The following PPM1D variants were observed in gnomAD, a reference collection of about 807,000 sequenced individuals.
PPM1D encodes the protein protein phosphatase, Mg2+/Mn2+ dependent 1D.
A neutral mutation model predicts 58.3 loss-of-function variants in PPM1D; 52 were observed. The observed-to-expected ratio is 0.89, with a 90% CI of 0.71 to 1.12. The LOEUF is 1.12. Among genes scored for constraint, PPM1D ranks in the 50% most tolerant of loss-of-function variants. The pLI is 0.00. For synonymous variants in PPM1D, 278 were observed against 285.1 expected (o/e 0.98, Z 0.25); for missense variants, 564 against 777.2 (o/e 0.73, Z 3.26).
At chr17:60,641,446 A>G (rs1455050225) in intron 3 of PPM1D, among the ~76,000 whole-genome samples, 2 of 151,924 alleles carry the variant, frequency 1.3e-5, no homozygotes, top group Non-Finnish European at 2.9e-5. Context: ...TTTGTTTTTA[A>G]CTTGTTGAAT....
chr17:60,645,562 GTA>G (rs1293780298), intron 3 of PPM1D, among the ~76,000 whole-genome samples: 10 of 132,634 alleles, frequency 7.5e-5, no homozygotes, highest in Middle Eastern at 3.8e-3. Flanking sequence ...ATATGTGTGT[GTA>G]TATATATGTA....
chr17:60,638,495 A>G (rs1244879172), intron 3 of PPM1D, among the ~76,000 whole-genome samples: 1 of 151,888 alleles, frequency 6.6e-6, no homozygotes, highest in Non-Finnish European at 1.5e-5. Context: ...CAGTCTTCCA[A>G]GTAGCTGGGA....
chr17:60,621,226 G>A (rs2030694297), intron 1 of PPM1D, among the ~76,000 whole-genome samples: 1 of 152,112 alleles, frequency 6.6e-6, no homozygotes, highest in South Asian at 2.1e-4. Context: ...TCCGGCCTGA[G>A]TTATGCTTTC....
Position 60,665,746 on chromosome 17 carries a change from A to G in PPM1D, c.*2194A>G, listed in dbSNP as rs1012784302. Reference sequence around the variant, plus strand: ...TCTCGTGGTTTTGGTCAAGCTACCAACCAGGGCTACAATCTTTCGAAGGTG... The same window carrying G: ...TCTCGTGGTTTTGGTCAAGCTACCAGCCAGGGCTACAATCTTTCGAAGGTG... On this transcript the variant is annotated 3_prime_UTR_variant, in exon 6 of 6. Coordinates refer to ENST00000305921, the MANE Select transcript of PPM1D (RefSeq NM_003620.4). 6.6e-5 allele frequency: 10 copies of G among 152,298 alleles called. No homozygotes were observed. Among genetic ancestry groups the G allele is most frequent in the African/African-American group, 2.2e-4 (9 of 41,566 alleles). 9.4% of individuals were successfully genotyped at this position (152,298 alleles called of 1,614,324 possible).
At position 60,657,172 on chromosome 17, in the gene PPM1D, A is replaced by C. The variant is rs1042181913; in HGVS notation, c.1260+331A>C. 3.0e-6 allele frequency: 3 copies of C among 996,406 alleles called. No homozygotes were observed. The East Asian group carries it at 1.8e-4, about 60-fold the overall frequency. The allele number at this position is 996,406 out of a possible 1,614,324, so 61.7% of individuals were successfully genotyped here. On this transcript the variant is annotated intron_variant, in intron 5 of 5. Coordinates refer to ENST00000305921, the MANE Select transcript of PPM1D (RefSeq NM_003620.4). The stretch of plus-strand genomic sequence containing the variant: ...AATCTCGTAGCCCAGAAGTAGAGCT[A>C]ATGTTATTATTTCATTTTATCAGTA...
At chr17:60,623,958 A>C (rs1237697722) in intron 2 of PPM1D, among the ~76,000 whole-genome samples, 1 of 152,134 alleles carries the variant, frequency 6.6e-6, no homozygotes, top group East Asian at 1.9e-4. Flanking sequence ...TAATGACTCT[A>C]ATAGGAAATA....
At chr17:60,616,406 G>A (rs543979889) in intron 1 of PPM1D, among the ~76,000 whole-genome samples, 2 of 152,136 alleles carry the variant, frequency 1.3e-5, no homozygotes, top group East Asian at 1.9e-4. Context: ...TCAAGAGTTC[G>A]AGACCAGCCT....
At position 60,633,857 on chromosome 17, in the gene PPM1D, A is replaced by T. The variant is rs1598406706; in HGVS notation, c.706A>T (p.Met236Leu). The T allele has an allele frequency of 6.2e-7, 1 of 1,611,542 alleles. No homozygotes were observed. The highest frequency in any genetic ancestry group is 2.2e-5 in the East Asian group (1 of 44,852). Reference protein sequence around the residue: ...ERIEGLGGSVMNKSGVNRVVW... With the variant: ...ERIEGLGGSVLNKSGVNRVVW... ...ATGTGAACTCTTTATTTTTAGTGTAATGAACAAGTCTGGGGTGAATCGTGT... is the reference window on the plus strand; with the variant it reads ...ATGTGAACTCTTTATTTTTAGTGTATTGAACAAGTCTGGGGTGAATCGTGT... Residue 236 changes from methionine (M) to leucine (L), a missense_variant, in exon 3 of 6, where the codon ATG (methionine) becomes TTG (leucine). By Grantham distance (15) the Met-to-Leu change is conservative (BLOSUM62 2). Around this residue, in one of 7 missense-constraint regions of PPM1D, gnomAD observed 95 missense variants for 232.6 expected, o/e 0.41. Transcript: ENST00000305921.
intron 2 of PPM1D, among the ~76,000 whole-genome samples, chr17:60,624,252 G>A (rs903461857): frequency 2.0e-5 from 3 of 152,058 alleles, no homozygotes; most frequent in Non-Finnish European, 4.4e-5. Flanking sequence ...ATATTTTTAT[G>A]ATTCAAACTT....
intron 1 of PPM1D, among the ~76,000 whole-genome samples, chr17:60,617,120 A>T (rs2030600079): frequency 6.6e-6 from 1 of 151,908 alleles, no homozygotes; most frequent in South Asian, 2.1e-4. Context: ...GGTTAATTAA[A>T]AAAAAAAATT....
At chr17:60,614,095 G>A (rs1401252206) in intron 1 of PPM1D, among the ~76,000 whole-genome samples, 1 of 152,172 alleles carries the variant, frequency 6.6e-6, no homozygotes, top group African/African-American at 2.4e-5. Context: ...AGCCAGCTGG[G>A]CTCCTGAGTC....
Position 60,613,890 on chromosome 17 carries a change from G to GCC in PPM1D, c.473-9622_473-9621dup, listed in dbSNP as rs61669650. 1.9e-3 allele frequency among the ~76,000 whole-genome samples: 267 copies of GCC among 137,406 alleles called. 1 individual carries two copies. The Middle Eastern group carries it at 0.027, about 14-fold the overall frequency. The allele number at this position is 137,406 out of a possible 152,430, so 90.1% of individuals were successfully genotyped here. A position where few individuals can be genotyped will look rare whatever the true frequency, so the allele number is the denominator to read the frequency against. On this transcript the variant is annotated intron_variant, in intron 1 of 5. Coordinates refer to ENST00000305921, the MANE Select transcript of PPM1D (RefSeq NM_003620.4). ...GGACCTGCAGCCTGCCATACCTGAGGCCCCCCCCCCGCCACCCCCCCGCCT... is the reference window on the plus strand; with the variant it reads ...GGACCTGCAGCCTGCCATACCTGAGGCCCCCCCCCCCCGCCACCCCCCCGCCT...
At chr17:60,640,035 T>G (rs142543698) in intron 3 of PPM1D, among the ~76,000 whole-genome samples, 77 of 152,276 alleles carry the variant, frequency 5.1e-4, no homozygotes, top group African/African-American at 1.7e-3. Context: ...ATAATCATGT[T>G]TGGCTGGATG....
At chr17:60,638,002 C>T (rs1454669138) in intron 3 of PPM1D, among the ~76,000 whole-genome samples, 2 of 152,042 alleles carry the variant, frequency 1.3e-5, no homozygotes, top group African/African-American at 2.4e-5. Flanking sequence ...CATTGGTGAC[C>T]TTGAAAAAGA....
intron 2 of PPM1D, among the ~76,000 whole-genome samples, chr17:60,631,113 T>G (rs2030911713): frequency 1.3e-5 from 2 of 150,356 alleles, no homozygotes; most frequent in Non-Finnish European, 3.0e-5. Flanking sequence ...GAGGCCCGGA[T>G]GGGAGGATGG....
intron 1 of PPM1D, among the ~76,000 whole-genome samples, chr17:60,611,267 C>T (rs549430205): frequency 1.3e-5 from 2 of 152,242 alleles, no homozygotes; most frequent in East Asian, 3.9e-4. Flanking sequence ...GTGATCTGCA[C>T]GCCTTGGCCT....
At chr17:60,625,560 T>C (rs2030789631) in intron 2 of PPM1D, among the ~76,000 whole-genome samples, 1 of 152,212 alleles carries the variant, frequency 6.6e-6, no homozygotes, top group Non-Finnish European at 1.5e-5. Context: ...GTTAAGTATA[T>C]TTAGCAACAT....
At chr17:60,645,826 T>C (rs1045528624) in intron 3 of PPM1D, among the ~76,000 whole-genome samples, 2 of 151,598 alleles carry the variant, frequency 1.3e-5, no homozygotes, top group African/African-American at 4.9e-5. Context: ...GTTTTCATAC[T>C]ATGCGAATAT....
chr17:60,633,708 G>T, intron 2 of PPM1D, 145 bp from the exon 3 acceptor site: 1 of 862,992 alleles, frequency 1.2e-6, no homozygotes, highest in Non-Finnish European at 1.7e-6. Flanking sequence ...CAGGAATTTT[G>T]GCTTATGCAT....
Sources: allele counts gnomAD v4.1 joint callset (sites outside exome capture counted in the v4.1 genomes callset), GRCh38; gene constraint gnomAD v4.1.1; regional missense constraint gnomAD v4.1.1; transcripts MANE v1.5; gene names NCBI Gene and HGNC (gene_info 2026-07-23, HGNC 2026-07-21).